Variants in RGS3 observed in about 807,000 individuals in gnomAD.
RGS3 encodes the protein regulator of G-protein signalling 3.
In RGS3, 80 loss-of-function variants were observed where a neutral mutation model predicts 132.6. The observed-to-expected ratio is 0.60, with a 90% CI of 0.50 to 0.73. RGS3 has a LOEUF of 0.73. Ranked by LOEUF, RGS3 falls within the 30% of genes least tolerant of loss-of-function variation. RGS3 has a pLI of 0.00. For synonymous variants in RGS3, 598 were observed against 620.6 expected, an observed-to-expected ratio of 0.96 and a Z score of 0.54; for missense variants, 1,382 against 1,530.8, an observed-to-expected ratio of 0.90 and a Z score of 1.62.
intron 10 of RGS3, among the ~76,000 whole-genome samples, chr9:113,501,077 G>C (rs2119295168): frequency 6.6e-6 from 1 of 152,332 alleles, no homozygotes; most frequent in East Asian, 1.9e-4. Flanking sequence ...TGGGATGTCT[G>C]TGAGTGCAAA....
chr9:113,571,564 A>AT (rs113069800), intron 19 of RGS3, among the ~76,000 whole-genome samples: 3,773 of 150,950 alleles, frequency 0.025, 68 homozygotes, highest in Admixed American at 0.038. Context: ...TTCCTATTGG[A>AT]TTTTTTTTTC....
intron 4 of RGS3, among the ~76,000 whole-genome samples, chr9:113,480,993 A>G (rs937973067): frequency 3.9e-5 from 6 of 152,170 alleles, no homozygotes; most frequent in Non-Finnish European, 7.4e-5. Context: ...CCTTGAATAC[A>G]TCTTGCTTGC....
chr9:113,528,929 C>G (rs188067116), intron 17 of RGS3, among the ~76,000 whole-genome samples: 11 of 152,346 alleles, frequency 7.2e-5, no homozygotes, highest in African/African-American at 2.4e-4. Context: ...AGGGCTCCCC[C>G]CAGTACCTGA....
At chr9:113,452,024 G>A (rs897189582) in intron 1 of RGS3, among the ~76,000 whole-genome samples, 4 of 151,838 alleles carry the variant, frequency 2.6e-5, no homozygotes, top group Admixed American at 6.6e-5. Flanking sequence ...TAAGAGTCAG[G>A]GGGTCACTCT....
intron 19 of RGS3, among the ~76,000 whole-genome samples, chr9:113,553,640 G>A (rs1455820335): frequency 2.0e-5 from 3 of 151,024 alleles, no homozygotes; most frequent in Middle Eastern, 3.4e-3. Context: ...TCAGGAGTTC[G>A]AGACCAGCCT....
intron 7 of RGS3, among the ~76,000 whole-genome samples, chr9:113,493,918 T>A (rs190805401): frequency 5.3e-5 from 8 of 152,274 alleles, no homozygotes; most frequent in Non-Finnish European, 1.2e-4. Flanking sequence ...TTACTACCTA[T>A]CCAGAAGCCT....
chr9:113,444,824 T>C (rs574294053), exon 1 of RGS3: 1 of 152,230 alleles, frequency 6.6e-6, no homozygotes, highest in Admixed American at 6.5e-5. Context: ...ACCCTTAGAC[T>C]GAAAGGAAGG....
intron 3 of RGS3, among the ~76,000 whole-genome samples, chr9:113,469,553 C>A (rs894603865): frequency 6.6e-6 from 1 of 152,076 alleles, no homozygotes; most frequent in East Asian, 1.9e-4. Flanking sequence ...TACAGACAGA[C>A]AGAAAAGTGT....
intron 10 of RGS3, among the ~76,000 whole-genome samples, chr9:113,500,832 C>T (rs949763751): frequency 6.6e-6 from 1 of 151,882 alleles, no homozygotes; most frequent in Non-Finnish European, 1.5e-5. Context: ...GGACTACAGG[C>T]GCCTGCCACC....
intron 1 of RGS3, among the ~76,000 whole-genome samples, chr9:113,445,525 T>C (rs755921283): frequency 6.6e-6 from 1 of 152,204 alleles, no homozygotes; most frequent in East Asian, 1.9e-4. Flanking sequence ...CTAAGCACAC[T>C]TCCTAGTGAC....
chr9:113,584,558 C>T, intron 20 of RGS3, 131 bp downstream of exon 18: 1 of 1,038,416 alleles, frequency 9.6e-7, no homozygotes, highest in Non-Finnish European at 1.3e-6. Context: ...AACTTTCCAC[C>T]TGTTGGACAG....
chr9:113,522,916 C>G lies in RGS3; in HGVS notation c.1759-14C>G. 6.3e-7 allele frequency: 1 copy of G among 1,579,702 alleles called. No homozygotes were observed. Among genetic ancestry groups the G allele is most frequent in the Non-Finnish European group, 8.7e-7 (1 of 1,148,522 alleles). On this transcript the variant is annotated splice_polypyrimidine_tract_variant and intron_variant, in intron 16 of 24. Coordinates refer to ENST00000350696, the Ensembl canonical transcript of RGS3. ...AGCAAAGTAGCCAGTTCTGTTTGCT[C>G]TCTGTCAACCCAGGTGACACTGTTT...
chr9:113,565,496 T>C lies in RGS3; in HGVS notation c.2038-17954T>C. 1.4e-6 allele frequency: 1 copy of C among 718,508 alleles called. No homozygotes were observed. Among genetic ancestry groups the C allele is most frequent in the East Asian group, 6.7e-5 (1 of 14,876 alleles). The allele number at this position is 718,508 out of a possible 1,614,324, so 44.5% of individuals were successfully genotyped here. On this transcript the variant is annotated intron_variant, in intron 19 of 24. Transcript: ENST00000350696. The surrounding 1 kb of genome is among the most constrained non-coding windows in gnomAD (Gnocchi z 5.7). ...GATGTGGGAGGTGGAACCTGGTCAT[T>C]TGGTTCTGCTTTTCCTAGCAGGTAT...
intron 18 of RGS3, chr9:113,536,446 G>T (rs1832678946): frequency 5.0e-6 from 5 of 1,010,004 alleles, no homozygotes; most frequent in Non-Finnish European, 4.7e-6. Context: ...GGCCCTCTGG[G>T]CTTCCCACGT....
intron 19 of RGS3, among the ~76,000 whole-genome samples, chr9:113,576,629 G>A (rs755487463): frequency 6.6e-6 from 1 of 152,042 alleles, no homozygotes; most frequent in African/African-American, 2.4e-5. Context: ...CGCACCCAGC[G>A]ATTGTTCTTT....
intron 7 of RGS3, among the ~76,000 whole-genome samples, chr9:113,492,447 G>T (rs561370714): frequency 3.9e-5 from 6 of 152,272 alleles, no homozygotes; most frequent in Non-Finnish European, 8.8e-5. Context: ...CCCCTGTATT[G>T]CTGTCTTGAA....
chr9:113,461,969 A>C lies in RGS3; in HGVS notation c.235-52A>C, dbSNP rs371553237. On this transcript the variant is annotated intron_variant, in intron 2 of 24. Coordinates refer to ENST00000350696, the Ensembl canonical transcript of RGS3. Reference sequence around the variant, plus strand: ...CCTACTGGGAGTGAACACACCTTGCATGGAGCATCTTCAGGCCATGGCTAA... The same window carrying C: ...CCTACTGGGAGTGAACACACCTTGCCTGGAGCATCTTCAGGCCATGGCTAA... The C allele has an allele frequency of 8.1e-6, 13 of 1,599,946 alleles. 1 individual carries two copies. The African/African-American group carries it at 1.3e-4, about 16-fold the overall frequency.
intron 4 of RGS3, among the ~76,000 whole-genome samples, chr9:113,480,269 C>G (rs1344741719): frequency 6.6e-6 from 1 of 151,832 alleles, no homozygotes; most frequent in Non-Finnish European, 1.5e-5. Flanking sequence ...CCGGCCTGGC[C>G]AACATACTGA....
chr9:113,480,714 C>T (rs934109619), intron 4 of RGS3, among the ~76,000 whole-genome samples: 5 of 152,164 alleles, frequency 3.3e-5, no homozygotes, highest in African/African-American at 1.2e-4. Context: ...AGTGCAAAGG[C>T]CTGGGGGTCA....
Sources: allele counts gnomAD v4.1 joint callset (sites outside exome capture counted in the v4.1 genomes callset), GRCh38; gene constraint gnomAD v4.1.1; non-coding constraint Gnocchi (gnomAD v3.1); transcripts MANE v1.5; gene names NCBI Gene and HGNC (gene_info 2026-07-23, HGNC 2026-07-21).